The following MACROD2 variants were observed in gnomAD, a reference collection of about 807,000 sequenced individuals.
The protein encoded by MACROD2 is mono-ADP ribosylhydrolase 2.
Under a neutral mutation model 70.4 loss-of-function variants are expected in MACROD2, and 36 were observed. That is an observed-to-expected ratio of 0.51 (90% CI 0.39 to 0.68). The LOEUF (loss-of-function observed/expected upper bound fraction) is 0.68. Ranked by LOEUF, MACROD2 falls within the 30% of genes least tolerant of loss-of-function variation. MACROD2 has a pLI of 0.00. For synonymous variants in MACROD2, 172 were observed against 178.8 expected (o/e 0.96, Z 0.30); for missense variants, 496 against 538.4 (o/e 0.92, Z 0.78).
At chr20:15,421,016 T>C (rs1361644534) in intron 6 of MACROD2, among the ~76,000 whole-genome samples, 1 of 151,962 alleles carries the variant, frequency 6.6e-6, no homozygotes, top group Non-Finnish European at 1.5e-5. Flanking sequence ...ATAGTTTCAG[T>C]TTGAGGCCAA....
At chr20:16,036,366 T>C (rs1252552083) in intron 15 of MACROD2, among the ~76,000 whole-genome samples, 1 of 151,992 alleles carries the variant, frequency 6.6e-6, no homozygotes, top group Non-Finnish European at 1.5e-5. Context: ...TTTTCTTCTA[T>C]GATGACATCT....
At position 15,493,040 on chromosome 20, in the gene MACROD2, G is replaced by A. The variant is rs1157283055; in HGVS notation, c.572-6734G>A. Among the ~76,000 whole-genome samples, 4 of 152,148 alleles carry A rather than the reference G, an allele frequency of 2.6e-5. No homozygotes were observed. The East Asian group carries it at 7.7e-4, about 29-fold the overall frequency. On this transcript the variant is annotated intron_variant, in intron 7 of 17. Coordinates refer to ENST00000684519, the MANE Select transcript of MACROD2 (RefSeq NM_001351661.2). ...AGCTTTGGGCCCCATGCTCGGCTGG[G>A]TGGGGTGAGGATATGGATGAAAACC...
chr20:15,055,911 C>T (rs749349486), intron 5 of MACROD2, among the ~76,000 whole-genome samples: 34 of 151,832 alleles, frequency 2.2e-4, no homozygotes, highest in South Asian at 6.3e-4. Flanking sequence ...CTCAGCCTCC[C>T]GAGTAGCTGG....
intron 8 of MACROD2, among the ~76,000 whole-genome samples, chr20:15,650,373 G>A (rs1348594760): frequency 6.6e-6 from 1 of 152,142 alleles, no homozygotes; most frequent in Non-Finnish European, 1.5e-5. Context: ...AAATTATGCT[G>A]CTTTCCAGCA....
chr20:14,810,332 CA>C (rs200038698), intron 5 of MACROD2, among the ~76,000 whole-genome samples: 2,020 of 152,084 alleles, frequency 0.013, 46 homozygotes, highest in African/African-American at 0.046. Context: ...GAACCATTGA[CA>C]AAAACCACAT....
intron 3 of MACROD2, among the ~76,000 whole-genome samples, chr20:14,183,526 T>C (rs2081321295): frequency 6.6e-6 from 1 of 152,040 alleles, no homozygotes; most frequent in Non-Finnish European, 1.5e-5. Flanking sequence ...AAGATTTATA[T>C]ATTTTTGGGG....
chr20:15,054,465 C>T (rs966565024), intron 5 of MACROD2, among the ~76,000 whole-genome samples: 5 of 152,140 alleles, frequency 3.3e-5, no homozygotes, highest in African/African-American at 1.2e-4. Context: ...ACTGAAGACT[C>T]AGATGATTAT....
intron 5 of MACROD2, among the ~76,000 whole-genome samples, chr20:14,799,798 T>C (rs1178159097): frequency 1.3e-5 from 2 of 152,034 alleles, no homozygotes; most frequent in Non-Finnish European, 2.9e-5. Context: ...CTTGGGGCCC[T>C]GTTTGTTGAT....
chr20:14,829,903 T>G (rs1266160424), intron 5 of MACROD2, among the ~76,000 whole-genome samples: 1 of 152,154 alleles, frequency 6.6e-6, no homozygotes, highest in Non-Finnish European at 1.5e-5. Flanking sequence ...AACTATTATT[T>G]CCCTAGAAGT....
intron 5 of MACROD2, among the ~76,000 whole-genome samples, chr20:14,719,086 G>T (rs1568756959): frequency 6.6e-6 from 1 of 152,080 alleles, no homozygotes; most frequent in Non-Finnish European, 1.5e-5. Flanking sequence ...ACAAAGATTA[G>T]ATGGGCATGG....
intron 4 of MACROD2, among the ~76,000 whole-genome samples, chr20:14,570,332 G>T (rs988711466): frequency 1.3e-5 from 2 of 151,986 alleles, no homozygotes; most frequent in Non-Finnish European, 2.9e-5. Flanking sequence ...TAGGATGGTG[G>T]TTAGCATTAT....
intron 8 of MACROD2, among the ~76,000 whole-genome samples, chr20:15,801,200 A>AAAAAAAAAAAG (rs749268333): frequency 1.0e-4 from 14 of 137,864 alleles, no homozygotes; most frequent in South Asian, 2.3e-4. Flanking sequence ...AAAAAAAAAA[A>AAAAAAAAAAAG]AAAACGAAAA....
At chr20:14,362,839 A>G (rs988916762) in intron 3 of MACROD2, among the ~76,000 whole-genome samples, 1 of 152,080 alleles carries the variant, frequency 6.6e-6, no homozygotes, top group Non-Finnish European at 1.5e-5. Flanking sequence ...AAGAGCATAG[A>G]TAATAGTAAA....
chr20:15,283,488 C>T (rs575868441), intron 6 of MACROD2, among the ~76,000 whole-genome samples: 103 of 152,216 alleles, frequency 6.8e-4, no homozygotes, highest in South Asian at 1.4e-3. Flanking sequence ...GCCTGGCCAA[C>T]ATGGTGAAAC....
At position 16,044,417 on chromosome 20, in the gene MACROD2, C is replaced by T. The variant is rs191997324; in HGVS notation, c.1232-154C>T. ...CTCTACCCCCACCAGTAAAAATCTA[C>T]AAGAATAGTCCCCAAATCTTGAATG... On this transcript the variant is annotated intron_variant, in intron 16 of 17. Transcript: ENST00000684519. Among the ~76,000 whole-genome samples the T allele has an allele frequency of 9.2e-4, 140 of 152,016 alleles. 1 individual carries two copies. The highest frequency in any genetic ancestry group is 2.7e-3 in the South Asian group (13 of 4,826).
chr20:15,499,713 T>C, intron 7 of MACROD2, 61 bp from the exon 8 acceptor site: 1 of 1,489,076 alleles, frequency 6.7e-7, no homozygotes, highest in Non-Finnish European at 9.4e-7. Flanking sequence ...CATAGCGTGA[T>C]TAGCCTCCCT....
intron 8 of MACROD2, among the ~76,000 whole-genome samples, chr20:15,601,900 C>G (rs754809154): frequency 6.6e-6 from 1 of 152,010 alleles, no homozygotes; most frequent in Non-Finnish European, 1.5e-5. Flanking sequence ...TGTTGGCATG[C>G]ACCTGTAATC....
At chr20:14,174,873 C>G (rs990072537) in intron 3 of MACROD2, among the ~76,000 whole-genome samples, 3 of 152,170 alleles carry the variant, frequency 2.0e-5, no homozygotes, top group Non-Finnish European at 4.4e-5. Context: ...CTTCTTCTAC[C>G]GTTGTATTTC....
chr20:15,794,204 A>G (rs1037608483), intron 8 of MACROD2, among the ~76,000 whole-genome samples: 1 of 152,162 alleles, frequency 6.6e-6, no homozygotes, highest in Non-Finnish European at 1.5e-5. Context: ...CAACGACAAC[A>G]AATGGATTGT....
Sources: gnomAD v4.1 joint callset for allele counts (sites outside exome capture counted in the v4.1 genomes callset) on GRCh38, gnomAD v4.1.1 for gene constraint, MANE v1.5 for transcripts, NCBI Gene and HGNC (gene_info 2026-07-23, HGNC 2026-07-21) for gene names.